PCLO: variants seen among roughly 807,000 people sequenced by gnomAD.
PCLO encodes protein piccolo.
PCLO carries 82 observed loss-of-function variants against 427.5 expected under a neutral mutation model. That is an observed-to-expected ratio of 0.19 (90% CI 0.16 to 0.23). The LOEUF is 0.23. Ranked by LOEUF, PCLO falls within the 10% of genes least tolerant of loss-of-function variation. The probability of loss-of-function intolerance (pLI) is 1.00; values close to 1 mark genes in which losing one functional copy is unlikely to be tolerated. For missense variants in PCLO, 6,239 were observed against 6,115.9 expected (o/e 1.02, Z -0.67); for synonymous variants, 2,357 against 2,155.4 (o/e 1.09, Z -2.59).
rs1161557441 is a variant in PCLO, at chr7:82,949,900, C to A, written c.10688G>T (p.Gly3563Val). The stretch of plus-strand genomic sequence containing the variant: ...TGCTTCTGTTTGACATCCTAAACTG[C>A]CCCCTTTGTAAGTCTTTTCAGGTGC... ...ISAPEKTYKG[G>V]SLGCQTEADS... Residue 3563 changes from glycine to valine, a missense_variant, in exon 6 of 25, where the codon GGC becomes GTC. Around this residue, in one of 5 missense-constraint regions of PCLO, gnomAD observed 4,677 missense variants for 4,468.4 expected, o/e 1.05. Coordinates refer to ENST00000333891, the MANE Select transcript of PCLO (RefSeq NM_033026.6). The A allele has an allele frequency of 5.0e-6, 8 of 1,613,558 alleles. No homozygotes were observed. In the East Asian group the frequency reaches 1.1e-4, roughly 22 times the overall value.
chr7:83,010,962 C>G (rs1483957165), intron 3 of PCLO, among the ~76,000 whole-genome samples: 1 of 151,992 alleles, frequency 6.6e-6, no homozygotes, highest in East Asian at 1.9e-4. Context: ...CAACTTTAAT[C>G]CTATATGCTC....
chr7:82,873,019 G>C (rs1169527320), intron 10 of PCLO, among the ~76,000 whole-genome samples: 2 of 152,020 alleles, frequency 1.3e-5, no homozygotes, highest in Non-Finnish European at 2.9e-5. Context: ...TTTTATCCTG[G>C]GATAGTAACA....
intron 3 of PCLO, among the ~76,000 whole-genome samples, chr7:83,119,823 G>A (rs529791785): frequency 8.7e-4 from 124 of 141,750 alleles, no homozygotes; most frequent in Non-Finnish European, 1.4e-3. Context: ...AATCCTATCA[G>A]AAAAAAAAAA....
At chr7:82,851,266 T>C (rs777629003) in intron 10 of PCLO, among the ~76,000 whole-genome samples, 4 of 151,376 alleles carry the variant, frequency 2.6e-5, no homozygotes, top group Non-Finnish European at 4.4e-5. Flanking sequence ...TTGAGAGCAT[T>C]GAGAGTGCTG....
At chr7:83,045,230 T>C (rs1789075282) in intron 3 of PCLO, among the ~76,000 whole-genome samples, 1 of 152,144 alleles carries the variant, frequency 6.6e-6, no homozygotes, top group South Asian at 2.1e-4. Flanking sequence ...CCATGTCCTT[T>C]TGTAGAGAAA....
At chr7:83,086,235 C>T (rs1790229566) in intron 3 of PCLO, among the ~76,000 whole-genome samples, 1 of 151,974 alleles carries the variant, frequency 6.6e-6, no homozygotes, top group African/African-American at 2.4e-5. Context: ...CTCAGCCTCT[C>T]AAGTAGCTGG....
intron 16 of PCLO, among the ~76,000 whole-genome samples, chr7:82,830,115 A>G (rs1405459090): frequency 6.6e-6 from 1 of 151,880 alleles, no homozygotes; most frequent in Non-Finnish European, 1.5e-5. Context: ...GAGTTTTTTA[A>G]TGGATAGGGA....
chr7:82,839,679 A>G (rs1792318599), intron 14 of PCLO, among the ~76,000 whole-genome samples: 1 of 152,072 alleles, frequency 6.6e-6, no homozygotes, highest in African/African-American at 2.4e-5. Flanking sequence ...TGAAGCACCC[A>G]AACCGTTTCT....
At chr7:83,066,698 T>G (rs902847742) in intron 3 of PCLO, among the ~76,000 whole-genome samples, 1 of 152,192 alleles carries the variant, frequency 6.6e-6, no homozygotes, top group African/African-American at 2.4e-5. Context: ...AAATGAATAA[T>G]GTACATTTTC....
chr7:82,906,004 C>CAG (rs1277343082), intron 8 of PCLO, among the ~76,000 whole-genome samples: 1 of 122,732 alleles, frequency 8.1e-6, no homozygotes. Flanking sequence ...AGAGGTTAAG[C>CAG]ATATAGATAG....
At position 82,950,187 on chromosome 7, in the gene PCLO, A is replaced by C; in HGVS notation, c.10401T>G (p.Ser3467Arg). ...YVSRRRRTKK[S>R]VDTSVQTDDE... The stretch of plus-strand genomic sequence containing the variant: ...CATCAGTTTGGACGCTTGTATCCAC[A>C]CTCTTTTTAGTTCTCCTTCTCCTAC... The change falls in exon 6 of 25, where the codon AGT becomes AGG. Residue 3467 changes from serine (S) to arginine (R), a missense_variant. Coordinates refer to ENST00000333891, the MANE Select transcript of PCLO (RefSeq NM_033026.6). The C allele has an allele frequency of 6.2e-7, 1 of 1,608,340 alleles. No individual in the cohort carries two copies. The highest frequency in any genetic ancestry group is 8.5e-7 in the Non-Finnish European group (1 of 1,178,562).
intron 3 of PCLO, among the ~76,000 whole-genome samples, chr7:83,091,281 T>C (rs564112858): frequency 2.3e-4 from 35 of 152,246 alleles, no homozygotes; most frequent in African/African-American, 6.0e-4. Context: ...AACTGAATGA[T>C]AGAATGGTAA....
Position 83,029,428 on chromosome 7 carries a change from T to A in PCLO, c.3301-62941A>T, listed in dbSNP as rs564676884. ...ACAATGAGATACCATCTCACACCAG[T>A]TAGAATGGCAATCATTAAAAAGTCA... is the stretch of plus-strand genomic sequence containing the variant. On this transcript the variant is annotated intron_variant, in intron 3 of 24. Transcript: ENST00000333891. Among the ~76,000 whole-genome samples the A allele has an allele frequency of 2.8e-5, 4 of 143,092 alleles. No individual in the cohort carries two copies. In the South Asian group the frequency reaches 9.3e-4, roughly 33 times the overall value. 93.9% of individuals were successfully genotyped at this position (143,092 alleles called of 152,430 possible). A position where few individuals can be genotyped will look rare whatever the true frequency, so the allele number is the denominator to read the frequency against.
In PCLO at chr7:82,902,816, T is replaced by C. The variant is rs527308752; in HGVS notation, c.13438-75A>G. On this transcript the variant is annotated intron_variant, in intron 8 of 24. Transcript: ENST00000333891. The stretch of plus-strand genomic sequence containing the variant: ...AGTGCAATATACATAATTAGAATGG[T>C]TCATTTCAAAGCACATTGATTAAAT... 1.0e-4 allele frequency: 75 copies of C among 736,120 alleles called. 1 individual carries two copies. The highest frequency in any genetic ancestry group is 1.5e-4 in the Non-Finnish European group (61 of 417,608). The allele number at this position is 736,120 out of a possible 1,614,324, so 45.6% of individuals were successfully genotyped here.
chr7:83,031,407 G>C (rs558609917), intron 3 of PCLO, among the ~76,000 whole-genome samples: 21 of 152,072 alleles, frequency 1.4e-4, no homozygotes, highest in African/African-American at 4.8e-4. Context: ...CAAATATCTT[G>C]GAATTTTTTA....
At chr7:83,136,224 T>G (rs1791725966) in intron 2 of PCLO, among the ~76,000 whole-genome samples, 1 of 152,182 alleles carries the variant, frequency 6.6e-6, no homozygotes, top group African/African-American at 2.4e-5. Flanking sequence ...TCTTTGCCTT[T>G]GATTTACTTA....
rs1268601441 is a variant in PCLO at position 82,951,385 on chromosome 7, A to G, written c.9203T>C (p.Met3068Thr). The G allele has an allele frequency of 6.2e-7, 1 of 1,603,364 alleles. No individual in the cohort carries two copies. Among genetic ancestry groups the G allele is most frequent in the Admixed American group, 1.7e-5 (1 of 58,278 alleles). ...ATACTGGGGTCCTGGTGGTGGTGTC[A>G]TTCTTGCTGTGGAATACTGTGGGGT... ...ISTPQYSTAR[M>T]TPPPGPQYCV... The change falls in exon 6 of 25, where the codon ATG becomes ACG. Residue 3068 changes from methionine to threonine, a missense_variant. Coordinates refer to ENST00000333891, the MANE Select transcript of PCLO (RefSeq NM_033026.6).
At chr7:83,009,978 T>C (rs1221042122) in intron 3 of PCLO, among the ~76,000 whole-genome samples, 1 of 151,934 alleles carries the variant, frequency 6.6e-6, no homozygotes, top group Admixed American at 6.6e-5. Flanking sequence ...TATTTTTCTT[T>C]GACATTTCTG....
At chr7:83,040,395 G>A (rs560922626) in intron 3 of PCLO, among the ~76,000 whole-genome samples, 2 of 152,104 alleles carry the variant, frequency 1.3e-5, no homozygotes, top group Non-Finnish European at 2.9e-5. Flanking sequence ...TCTTTCAACA[G>A]ATTACACTAG....
Sources: allele counts gnomAD v4.1 joint callset (sites outside exome capture counted in the v4.1 genomes callset), GRCh38; gene constraint gnomAD v4.1.1; regional missense constraint gnomAD v4.1.1; transcripts MANE v1.5; gene names NCBI Gene and HGNC (gene_info 2026-07-23, HGNC 2026-07-21).